Variants in CLEC20A observed in about 807,000 individuals in gnomAD.
CLEC20A encodes C-type lectin domain containing 20A, also known as putative C-type lectin domain family 20 member A.
rs1649402437 is a variant in CLEC20A at position 178,496,701 on chromosome 1, A to C, written c.40+199T>G. The C allele has an allele frequency of 2.5e-5, 10 of 397,074 alleles. No individual in the cohort carries two copies. The East Asian group carries it at 3.6e-4, about 14-fold the overall frequency. The allele number at this position is 397,074 out of a possible 1,614,324, so 24.6% of individuals were successfully genotyped here. On this transcript the variant is annotated intron_variant, in intron 1 of 7. Coordinates refer to ENST00000623247, the Ensembl canonical transcript of CLEC20A. ...ACTGCTGCCTTCTGGACGCTGGCTG[A>C]GTACTGTCTGGTTAGGGGCGATGAG...
intron 5 of CLEC20A, among the ~76,000 whole-genome samples, chr1:178,485,617 C>T (rs911105563): frequency 2.0e-5 from 3 of 152,206 alleles, no homozygotes; most frequent in Non-Finnish European, 2.9e-5. Context: ...TTTTCCAAAC[C>T]GTCCTGACTG....
At chr1:178,493,973 G>A (rs1649329775) in intron 2 of CLEC20A, among the ~76,000 whole-genome samples, 2 of 152,220 alleles carry the variant, frequency 1.3e-5, no homozygotes, top group Non-Finnish European at 2.9e-5. Context: ...GAATAGGGGT[G>A]CAGAGGAGAT....
At chr1:178,487,063 A>G in intron 5 of CLEC20A, 1 of 385,952 alleles carries the variant, frequency 2.6e-6, no homozygotes, top group Non-Finnish European at 4.6e-6. Context: ...CCCTAGGGCC[A>G]GAGAGAAGAC....
At chr1:178,499,266 A>G (rs948681766), upstream of CLEC20A, among the ~76,000 whole-genome samples, 3 of 152,222 alleles carry the variant, frequency 2.0e-5, no homozygotes, top group Non-Finnish European at 4.4e-5. Context: ...AAACCTTTCA[A>G]TAAATGGCAA....
Sources: allele counts gnomAD v4.1 joint callset (sites outside exome capture counted in the v4.1 genomes callset), GRCh38; gene constraint gnomAD v4.1.1; transcripts MANE v1.5; gene names NCBI Gene and HGNC (gene_info 2026-07-23, HGNC 2026-07-21).